Variants in KBTBD11 observed in about 807,000 individuals in gnomAD.
KBTBD11 encodes the protein kelch repeat and BTB domain containing 11.
For synonymous variants in KBTBD11, 747 were observed against 499.0 expected, an observed-to-expected ratio of 1.50 and a Z score of -6.63; for missense variants, 1,390 against 1,001.8, an observed-to-expected ratio of 1.39 and a Z score of -5.23.
rs1050754527 is a variant in KBTBD11 at position 2,005,746 on chromosome 8, G to A, written c.*2682G>A. On this transcript the variant is annotated 3_prime_UTR_variant, in exon 2 of 2. Transcript: ENST00000320248. ...TCCTCATGAAATTAACCCGTATGCC[G>A]GGGCATTTCCAAATGTCTGACTCGT... is the stretch of plus-strand genomic sequence containing the variant. 14 of 167,058 alleles carry A rather than the reference G, an allele frequency of 8.4e-5. No homozygotes were observed. The highest frequency in any genetic ancestry group is 5.2e-4 in the Admixed American group (8 of 15,290). 10.3% of individuals were successfully genotyped at this position (167,058 alleles called of 1,614,324 possible).
At chr8:1,974,313 C>T (rs1816242430) in intron 1 of KBTBD11, 1 of 984,588 alleles carries the variant, frequency 1.0e-6, no homozygotes, top group South Asian at 4.7e-5. Flanking sequence ...AATGAGCCGC[C>T]CGCGCCGCGC....
rs755439492 is a variant in KBTBD11, at chr8:2,002,742, C to T, written c.1550C>T (p.Ala517Val). The change falls in exon 2 of 2, where the codon GCG becomes GTG. Residue 517 changes from alanine (A) to valine (V), a missense_variant. Ala to Val is a moderately conservative substitution (Grantham distance 64). Coordinates refer to ENST00000320248, the MANE Select transcript of KBTBD11 (RefSeq NM_014867.3). The surrounding 1 kb of genome is among the most constrained non-coding windows in gnomAD (Gnocchi z 4.1). ...LSGSRGEAQA[A>V]GPSGVSVSRY... is the part of the protein sequence containing the mutation. ...GGCAGCCGCGGCGAGGCGCAGGCGG[C>T]GGGGCCGAGCGGGGTCAGCGTGTCC... 17 of 1,492,504 alleles carry T rather than the reference C, an allele frequency of 1.1e-5. No individual in the cohort carries two copies. Among genetic ancestry groups the T allele is most frequent in the Middle Eastern group, 1.9e-4 (1 of 5,276 alleles). The allele number at this position is 1,492,504 out of a possible 1,614,324, so 92.5% of individuals were successfully genotyped here. A position where few individuals can be genotyped will look rare whatever the true frequency, so the allele number is the denominator to read the frequency against.
rs544384333 is a variant in KBTBD11, at chr8:1,987,380, C to G, written c.-908-12905C>G. Among the ~76,000 whole-genome samples, 299 of 152,268 alleles carry G rather than the reference C, an allele frequency of 2.0e-3. 1 individual carries two copies. Among genetic ancestry groups the G allele is most frequent in the Middle Eastern group, 3.4e-3 (1 of 294 alleles). On this transcript the variant is annotated intron_variant, in intron 1 of 1. Transcript: ENST00000320248. ...TGACACAAAACCCATCTAGGAGTCG[C>G]TCAATCAATCCTTTTTTGTAGAAAA...
Position 1,997,627 on chromosome 8 carries a change from C to A in KBTBD11, c.-908-2658C>A, listed in dbSNP as rs759132832. Among the ~76,000 whole-genome samples, 6 of 152,244 alleles carry A rather than the reference C, an allele frequency of 3.9e-5. No homozygotes were observed. The East Asian group carries it at 1.2e-3, about 29-fold the overall frequency. ...GAGGGCTCCCGAGCCCCTGATGCAG[C>A]CTTGCTGCTGCTACTCAACAGCGTA... On this transcript the variant is annotated intron_variant, in intron 1 of 1. Coordinates refer to ENST00000320248, the MANE Select transcript of KBTBD11 (RefSeq NM_014867.3).
rs1817530775 is a variant in KBTBD11 at position 2,005,074 on chromosome 8, T to TC, written c.*2014dup. On this transcript the variant is annotated 3_prime_UTR_variant, in exon 2 of 2. Coordinates refer to ENST00000320248, the MANE Select transcript of KBTBD11 (RefSeq NM_014867.3). ...AAATTAGGCTTCCAGAGTAACACTG[T>TC]CCCCGGAAAAGGATATGAGAAGTGG... The TC allele has an allele frequency of 1.8e-5, 3 of 167,048 alleles. No individual in the cohort carries two copies. Among genetic ancestry groups the TC allele is most frequent in the Admixed American group, 6.5e-5 (1 of 15,284 alleles). 10.3% of individuals were successfully genotyped at this position (167,048 alleles called of 1,614,324 possible). A position where few individuals can be genotyped will look rare whatever the true frequency, so the allele number is the denominator to read the frequency against.
chr8:1,980,442 G>A (rs1191663629), intron 1 of KBTBD11, among the ~76,000 whole-genome samples: 2 of 152,146 alleles, frequency 1.3e-5, no homozygotes, highest in South Asian at 4.1e-4. Flanking sequence ...GGCCAGGATG[G>A]TCCCAATCTC....
chr8:1,992,958 G>C (rs1816972652), intron 1 of KBTBD11, among the ~76,000 whole-genome samples: 1 of 151,792 alleles, frequency 6.6e-6, no homozygotes, highest in Admixed American at 6.6e-5. Context: ...TTATTTTTGA[G>C]ACATGGTCTG....
intron 1 of KBTBD11, among the ~76,000 whole-genome samples, chr8:1,984,004 C>T (rs563006205): frequency 6.0e-4 from 91 of 152,304 alleles, no homozygotes; most frequent in Middle Eastern, 3.4e-3. Context: ...GTGGCAGGCA[C>T]CTTTAGTTCC....
chr8:1,990,379 G>A (rs1371904722), intron 1 of KBTBD11, among the ~76,000 whole-genome samples: 1 of 147,612 alleles, frequency 6.8e-6, no homozygotes, highest in African/African-American at 2.5e-5. Context: ...AGATGCTGCC[G>A]GGCCTTGGCG....
intron 1 of KBTBD11, among the ~76,000 whole-genome samples, chr8:1,991,994 G>C (rs1353863726): frequency 6.6e-6 from 1 of 152,116 alleles, no homozygotes; most frequent in African/African-American, 2.4e-5. Context: ...AAGTGCCAGA[G>C]ATGGGAGGTC....
chr8:1,980,068 G>A (rs536226204), intron 1 of KBTBD11, among the ~76,000 whole-genome samples: 2 of 152,272 alleles, frequency 1.3e-5, no homozygotes, highest in South Asian at 4.1e-4. Flanking sequence ...GTGCTGTGGG[G>A]TTTTGTTTTC....
intron 1 of KBTBD11, among the ~76,000 whole-genome samples, chr8:1,985,427 G>A (rs566038316): frequency 9.2e-4 from 140 of 152,380 alleles, no homozygotes; most frequent in South Asian, 8.3e-4. Context: ...TCCGAACACT[G>A]GACAGTCTCC....
intron 1 of KBTBD11, among the ~76,000 whole-genome samples, chr8:1,994,785 G>A (rs986084233): frequency 5.9e-5 from 9 of 152,288 alleles, no homozygotes; most frequent in Non-Finnish European, 1.2e-4. Flanking sequence ...GAGGCCAGGC[G>A]TGGTGGCTGA....
intron 1 of KBTBD11, among the ~76,000 whole-genome samples, chr8:1,992,603 A>G (rs1442203537): frequency 6.6e-6 from 1 of 151,870 alleles, no homozygotes; most frequent in East Asian, 1.9e-4. Flanking sequence ...ATGTGTAAAG[A>G]GTAAAAAAAA....
chr8:1,984,848 G>A (rs144527158), intron 1 of KBTBD11, among the ~76,000 whole-genome samples: 8 of 152,256 alleles, frequency 5.3e-5, no homozygotes, highest in Non-Finnish European at 1.0e-4. Flanking sequence ...TTAAGGCCAC[G>A]TACGTTTCAG....
chr8:1,980,300 C>T (rs571917533), intron 1 of KBTBD11, among the ~76,000 whole-genome samples: 16 of 145,764 alleles, frequency 1.1e-4, no homozygotes, highest in South Asian at 2.2e-4. Context: ...AATCTCAGCT[C>T]ACTGCAAGCT....
Position 2,001,451 on chromosome 8 carries a change from T to A in KBTBD11, c.259T>A (p.Ser87Thr). 1 of 1,356,008 alleles carries A rather than the reference T, an allele frequency of 7.4e-7. No homozygotes were observed. 84.0% of individuals were successfully genotyped at this position (1,356,008 alleles called of 1,614,324 possible). A position where few individuals can be genotyped will look rare whatever the true frequency, so the allele number is the denominator to read the frequency against. Residue 87 changes from serine (S) to threonine (T), a missense_variant, in exon 2 of 2, where the codon TCC becomes ACC. Physicochemically the swap from Ser to Thr is moderately conservative, Grantham distance 58 (BLOSUM62 1). Coordinates refer to ENST00000320248, the MANE Select transcript of KBTBD11 (RefSeq NM_014867.3). ...QWEAGSAGAA[S>T]PEELASPEER... ...GGAGGCCGGCAGCGCGGGCGCCGCGTCCCCGGAGGAGCTCGCGTCCCCTGA... is the reference window on the plus strand; with the variant it reads ...GGAGGCCGGCAGCGCGGGCGCCGCGACCCCGGAGGAGCTCGCGTCCCCTGA...
intron 1 of KBTBD11, among the ~76,000 whole-genome samples, chr8:1,994,875 A>G (rs1425015638): frequency 6.6e-6 from 1 of 152,152 alleles, no homozygotes; most frequent in South Asian, 2.1e-4. Context: ...CCTGACCAAC[A>G]TGGCGAAACT....
At chr8:1,977,708 G>A (rs1446598158) in intron 1 of KBTBD11, among the ~76,000 whole-genome samples, 2 of 147,292 alleles carry the variant, frequency 1.4e-5, no homozygotes, top group African/African-American at 5.1e-5. Context: ...ATTTTTTTTT[G>A]TAGTTTTAGT....
Sources: allele counts gnomAD v4.1 joint callset (sites outside exome capture counted in the v4.1 genomes callset), GRCh38; gene constraint gnomAD v4.1.1; non-coding constraint Gnocchi (gnomAD v3.1); transcripts MANE v1.5; gene names NCBI Gene and HGNC (gene_info 2026-07-23, HGNC 2026-07-21).